Variants in CDH12 observed in about 807,000 individuals in gnomAD.
The protein encoded by CDH12 is cadherin-12.
Under a neutral mutation model 74.1 loss-of-function variants are expected in CDH12, and 41 were observed. That is an observed-to-expected ratio of 0.55 (90% confidence interval 0.43 to 0.72). The LOEUF (loss-of-function observed/expected upper bound fraction) is 0.72, where lower values mean the gene tolerates loss of function less well. CDH12 is among the 30% of genes least tolerant of loss of function. CDH12 has a pLI of 0.00. For synonymous variants in CDH12, 399 were observed against 355.0 expected, an observed-to-expected ratio of 1.12 and a Z score of -1.39; for missense variants, 945 against 977.2, an observed-to-expected ratio of 0.97 and a Z score of 0.44.
intron 2 of CDH12, among the ~76,000 whole-genome samples, chr5:22,446,765 C>A (rs1044934866): frequency 5.3e-5 from 8 of 151,922 alleles, no homozygotes; most frequent in African/African-American, 1.9e-4. Context: ...AAGTTATGAC[C>A]ATCTACAACA....
At chr5:22,802,857 A>C (rs952976801) in intron 1 of CDH12, among the ~76,000 whole-genome samples, 3 of 152,186 alleles carry the variant, frequency 2.0e-5, no homozygotes, top group Non-Finnish European at 4.4e-5. Flanking sequence ...TTGGAAATAT[A>C]TACACGTTTA....
At chr5:22,034,532 C>G (rs907218104) in intron 5 of CDH12, among the ~76,000 whole-genome samples, 11 of 152,128 alleles carry the variant, frequency 7.2e-5, no homozygotes, top group Admixed American at 5.9e-4. Context: ...GATCCCACGA[C>G]CAGCTGAACA....
chr5:22,480,111 G>A (rs1746325743), intron 2 of CDH12, among the ~76,000 whole-genome samples: 1 of 152,040 alleles, frequency 6.6e-6, no homozygotes, highest in South Asian at 2.1e-4. Context: ...TCATATTTTT[G>A]TTCACACAGA....
intron 8 of CDH12, among the ~76,000 whole-genome samples, chr5:21,825,111 C>A (rs1020299571): frequency 2.7e-5 from 4 of 150,852 alleles, no homozygotes; most frequent in Non-Finnish European, 5.9e-5. Flanking sequence ...TGAGATCATG[C>A]CACTGCACAC....
intron 1 of CDH12, among the ~76,000 whole-genome samples, chr5:22,584,961 A>G (rs1312885386): frequency 3.3e-5 from 5 of 152,168 alleles, no homozygotes; most frequent in Non-Finnish European, 7.3e-5. Flanking sequence ...ACTAAAAAAA[A>G]CCTTGTAAGG....
chr5:22,398,452 A>G (rs759243867), intron 3 of CDH12, among the ~76,000 whole-genome samples: 2 of 152,160 alleles, frequency 1.3e-5, no homozygotes, highest in Non-Finnish European at 2.9e-5. Flanking sequence ...AATGACACCT[A>G]AACCACATAG....
At position 22,028,657 on chromosome 5, in the gene CDH12, A is replaced by G. The variant is rs529118398; in HGVS notation, c.231+49789T>C. Among the ~76,000 whole-genome samples the G allele has an allele frequency of 1.8e-3, 273 of 152,302 alleles. 3 individuals carry two copies. Among genetic ancestry groups the G allele is most frequent in the African/African-American group, 6.3e-3 (262 of 41,558 alleles). On this transcript the variant is annotated intron_variant, in intron 5 of 14. Transcript: ENST00000382254. Reference sequence around the variant, plus strand: ...ACATACCATGCTCATGGGTAGGAAGAATCAATATCATGAAAATGGCCATAC... The same window carrying G: ...ACATACCATGCTCATGGGTAGGAAGGATCAATATCATGAAAATGGCCATAC...
At chr5:22,843,597 T>C (rs1033290896) in intron 1 of CDH12, among the ~76,000 whole-genome samples, 1 of 149,822 alleles carries the variant, frequency 6.7e-6, no homozygotes, top group African/African-American at 2.5e-5. Flanking sequence ...CTGAAGAAGT[T>C]GTTCTTAACA....
chr5:21,965,594 G>A (rs1201337733), intron 6 of CDH12, among the ~76,000 whole-genome samples: 1 of 150,844 alleles, frequency 6.6e-6, no homozygotes, highest in Non-Finnish European at 1.5e-5. Flanking sequence ...TGTAGACTCT[G>A]ATTTTTTTTT....
chr5:22,543,829 A>C (rs1738202504), intron 1 of CDH12, among the ~76,000 whole-genome samples: 1 of 152,176 alleles, frequency 6.6e-6, no homozygotes, highest in African/African-American at 2.4e-5. Flanking sequence ...ATCAATGCTC[A>C]TACTTTCAAA....
rs1395838811 is a variant in CDH12 at position 22,501,871 on chromosome 5, C to T, written c.-428+3399G>A. On this transcript the variant is annotated intron_variant, in intron 2 of 14. Coordinates refer to ENST00000382254, the MANE Select transcript of CDH12 (RefSeq NM_004061.5). ...CCTGGCTGAGCAGATCTGCTGTTCC[C>T]TCCATGTTTCCATCAGTTTCTGTTT... 5.3e-5 allele frequency among the ~76,000 whole-genome samples: 8 copies of T among 152,062 alleles called. No individual in the cohort carries two copies. In the East Asian group the frequency reaches 9.7e-4, roughly 18 times the overall value.
At chr5:22,687,697 G>T (rs1741884722) in intron 1 of CDH12, among the ~76,000 whole-genome samples, 1 of 152,310 alleles carries the variant, frequency 6.6e-6, no homozygotes, top group Non-Finnish European at 1.5e-5. Flanking sequence ...TTACAGGCGT[G>T]AGCCACTGTG....
intron 6 of CDH12, among the ~76,000 whole-genome samples, chr5:21,966,441 A>G (rs1756590197): frequency 6.6e-6 from 1 of 152,014 alleles, no homozygotes; most frequent in East Asian, 1.9e-4. Context: ...AAAACAGATG[A>G]TATGTTGAAT....
intron 6 of CDH12, among the ~76,000 whole-genome samples, chr5:21,880,646 T>G (rs1212731186): frequency 7.8e-6 from 1 of 128,210 alleles, no homozygotes; most frequent in Admixed American, 8.4e-5. Flanking sequence ...TTTCTTTCTT[T>G]CTTTCTTTCT....
intron 4 of CDH12, among the ~76,000 whole-genome samples, chr5:22,097,866 T>C (rs1743883490): frequency 6.6e-6 from 1 of 152,148 alleles, no homozygotes; most frequent in African/African-American, 2.4e-5. Context: ...TTAAAGCCTG[T>C]TATCTCTCAC....
chr5:22,789,578 A>T (rs1447923168), intron 1 of CDH12, among the ~76,000 whole-genome samples: 1 of 152,034 alleles, frequency 6.6e-6, no homozygotes, highest in Non-Finnish European at 1.5e-5. Context: ...AACTTATTGA[A>T]TTTAATATAT....
At chr5:22,543,611 C>G (rs1001096679) in intron 1 of CDH12, among the ~76,000 whole-genome samples, 6 of 152,050 alleles carry the variant, frequency 3.9e-5, no homozygotes, top group African/African-American at 1.2e-4. Context: ...TTCTGAGAAC[C>G]TACAGTCTAG....
rs145946757 is a variant in CDH12, at chr5:22,310,121, C to T, written c.-333+95136G>A. On this transcript the variant is annotated intron_variant, in intron 3 of 14. Coordinates refer to ENST00000382254, the MANE Select transcript of CDH12 (RefSeq NM_004061.5). ...TTATGTAGCAAATCTGTATGTTCTG[C>T]ACATGTACCCCGGAACTTAAAGTAT... Among the ~76,000 whole-genome samples the T allele has an allele frequency of 8.1e-3, 1,232 of 151,836 alleles. 19 individuals carry two copies. Among genetic ancestry groups the T allele is most frequent in the African/African-American group, 0.028 (1,172 of 41,402 alleles).
At chr5:22,196,107 G>C (rs1750603511) in intron 4 of CDH12, among the ~76,000 whole-genome samples, 1 of 151,230 alleles carries the variant, frequency 6.6e-6, no homozygotes, top group Non-Finnish European at 1.5e-5. Flanking sequence ...GGGTGTGTGT[G>C]CATATGTGTG....
Sources: gnomAD v4.1 joint callset for allele counts (sites outside exome capture counted in the v4.1 genomes callset) on GRCh38, gnomAD v4.1.1 for gene constraint, MANE v1.5 for transcripts, NCBI Gene and HGNC (gene_info 2026-07-23, HGNC 2026-07-21) for gene names.